Variants in NXN observed in about 807,000 individuals in gnomAD.
NXN encodes nucleoredoxin 1.
In NXN, 16 loss-of-function variants were observed where a neutral mutation model predicts 48.6. That is an observed-to-expected ratio of 0.33 (90% CI 0.22 to 0.50). The LOEUF (loss-of-function observed/expected upper bound fraction) is 0.50, where lower values mean the gene tolerates loss of function less well. Among genes scored for constraint, NXN ranks in the 20% least tolerant of loss-of-function variants. NXN has a pLI of 0.98. For missense variants in NXN, 492 were observed against 605.5 expected (o/e 0.81, Z 1.97); for synonymous variants, 281 against 269.6 (o/e 1.04, Z -0.41).
At chr17:842,445 T>C in intron 1 of NXN, 1 of 900,436 alleles carries the variant, frequency 1.1e-6, no homozygotes, top group South Asian at 5.1e-5. Flanking sequence ...TGCAGTTCCG[T>C]GATCCCGGCG....
intron 5 of NXN, among the ~76,000 whole-genome samples, chr17:810,837 G>C (rs2474686): frequency 9.8e-4 from 149 of 151,708 alleles, no homozygotes; most frequent in Admixed American, 1.2e-3. Context: ...TGCAGTGAGC[G>C]GAGATCTTGC....
At chr17:881,518 T>C (rs760888024) in intron 1 of NXN, among the ~76,000 whole-genome samples, 3 of 152,204 alleles carry the variant, frequency 2.0e-5, no homozygotes, top group Non-Finnish European at 4.4e-5. Context: ...TGAGCCGCCA[T>C]GCCTGGTCAG....
At chr17:971,476 C>T (rs1206954350) in intron 1 of NXN, among the ~76,000 whole-genome samples, 18 of 151,652 alleles carry the variant, frequency 1.2e-4, no homozygotes, top group African/African-American at 2.7e-4. Flanking sequence ...TTTGGGAGGC[C>T]GAGGCAGGTG....
intron 1 of NXN, among the ~76,000 whole-genome samples, chr17:831,631 C>A (rs1230003097): frequency 6.6e-6 from 1 of 151,916 alleles, no homozygotes; most frequent in Non-Finnish European, 1.5e-5. Flanking sequence ...TCCTGAGTAG[C>A]TGCGATTACA....
intron 2 of NXN, 110 bp from the exon 3 acceptor site, chr17:823,875 G>C: frequency 9.0e-7 from 1 of 1,110,356 alleles, no homozygotes; most frequent in Non-Finnish European, 1.3e-6. Context: ...GGACCCGGGA[G>C]ACCTCAGAGC....
intron 5 of NXN, among the ~76,000 whole-genome samples, chr17:810,260 G>A (rs1461122593): frequency 7.3e-6 from 1 of 137,590 alleles, no homozygotes; most frequent in Non-Finnish European, 1.6e-5. Context: ...TCTGTGAGTG[G>A]CGTGCACGTT....
chr17:928,284 T>C (rs1411038360), intron 1 of NXN, among the ~76,000 whole-genome samples: 2 of 151,838 alleles, frequency 1.3e-5, no homozygotes, highest in Non-Finnish European at 2.9e-5. Flanking sequence ...TTCCAAAGAG[T>C]GGCAGTTTGG....
At chr17:801,834 T>C (rs1911231198) in intron 7 of NXN, among the ~76,000 whole-genome samples, 1 of 152,222 alleles carries the variant, frequency 6.6e-6, no homozygotes, top group Admixed American at 6.5e-5. Context: ...CAATCTGGAC[T>C]TCAACTCTGG....
At chr17:896,753 T>C (rs1023861375) in intron 1 of NXN, 9 of 708,004 alleles carry the variant, frequency 1.3e-5, no homozygotes, top group African/African-American at 1.2e-4. Flanking sequence ...TTTCTGGTAA[T>C]AGAACCTTCT....
chr17:807,912 C>G (rs757378872), intron 5 of NXN, among the ~76,000 whole-genome samples: 26 of 152,366 alleles, frequency 1.7e-4, no homozygotes, highest in Non-Finnish European at 2.6e-4. Flanking sequence ...ATGGCACTGG[C>G]TAATCCTTAT....
rs780435566 is a variant in NXN, at chr17:819,472, G to T, written c.787C>A (p.Arg263=). 17 of 1,613,926 alleles carry T rather than the reference G, an allele frequency of 1.1e-5. No individual in the cohort carries two copies. Among genetic ancestry groups the T allele is most frequent in the Non-Finnish European group, 1.4e-5 (16 of 1,179,986 alleles). ...CCGTACAGCCGGTTGAGGCGCGACC[G>T]CCGGGCCTCATCCGTGTAGGGGACG... The part of the protein sequence containing the change: ...LAVPYTDEAR[R]SRLNRLYGIQ... The change falls in exon 5 of 8, where the codon CGG becomes AGG. Residue 263 remains arginine, a synonymous_variant. Transcript: ENST00000336868.
intron 5 of NXN, among the ~76,000 whole-genome samples, chr17:807,684 A>G (rs1911645824): frequency 6.6e-6 from 1 of 152,222 alleles, no homozygotes; most frequent in South Asian, 2.1e-4. Flanking sequence ...GACTGTCTGC[A>G]TAAGCAGAAA....
At chr17:918,382 G>A (rs957442680) in intron 1 of NXN, among the ~76,000 whole-genome samples, 4 of 152,146 alleles carry the variant, frequency 2.6e-5, no homozygotes, top group Admixed American at 6.6e-5. Flanking sequence ...TCATCGCAGC[G>A]TTTCATCTCC....
intron 1 of NXN, chr17:933,498 G>A (rs2068875679): frequency 6.6e-6 from 1 of 151,990 alleles, no homozygotes; most frequent in Non-Finnish European, 1.5e-5. Context: ...CAGCCAAAAT[G>A]AGGGCCCCTT....
intron 1 of NXN, chr17:842,471 G>A: frequency 3.1e-6 from 3 of 980,950 alleles, no homozygotes; most frequent in Non-Finnish European, 3.6e-6. Flanking sequence ...GGCCACGTGG[G>A]TTACTGGGGA....
intron 1 of NXN, among the ~76,000 whole-genome samples, chr17:871,039 T>G (rs535459585): frequency 2.6e-5 from 4 of 152,040 alleles, no homozygotes; most frequent in Non-Finnish European, 4.4e-5. Flanking sequence ...TTTTTTGTAT[T>G]TTTAGTAGAG....
chr17:858,101 A>G (rs1424740188), intron 1 of NXN, among the ~76,000 whole-genome samples: 1 of 151,768 alleles, frequency 6.6e-6, no homozygotes, highest in African/African-American at 2.4e-5. Flanking sequence ...CTCCCGAGTA[A>G]TGGGGTCACA....
At chr17:841,549 GCGA>G (rs1567827862) in intron 1 of NXN, among the ~76,000 whole-genome samples, 3 of 85,730 alleles carry the variant, frequency 3.5e-5, no homozygotes, top group Non-Finnish European at 2.4e-5. Context: ...TCTCACGCCG[GCGA>G]GCAGGTCCCC....
chr17:894,967 T>C (rs1386479662), intron 1 of NXN, among the ~76,000 whole-genome samples: 1 of 148,736 alleles, frequency 6.7e-6, no homozygotes, highest in East Asian at 2.0e-4. Context: ...ATTGCCTTTC[T>C]CTCTCATCCT....
Sources: gnomAD v4.1 joint callset for allele counts (sites outside exome capture counted in the v4.1 genomes callset) on GRCh38, gnomAD v4.1.1 for gene constraint, MANE v1.5 for transcripts, NCBI Gene and HGNC (gene_info 2026-07-23, HGNC 2026-07-21) for gene names.